Variants in RPS6KA3 observed in about 807,000 individuals in gnomAD.
RPS6KA3 encodes ribosomal protein S6 kinase alpha-3.
RPS6KA3 carries 4 observed loss-of-function variants against 67.2 expected under a neutral mutation model. That is an observed-to-expected ratio of 0.06 (90% CI 0.03 to 0.14). RPS6KA3 has a LOEUF of 0.14. Ranked by LOEUF, RPS6KA3 falls within the 10% of genes least tolerant of loss-of-function variation. RPS6KA3 has a pLI of 1.00. For missense variants in RPS6KA3, 204 were observed against 559.0 expected, an observed-to-expected ratio of 0.36 and a Z score of 6.40; for synonymous variants, 182 against 183.7, an observed-to-expected ratio of 0.99 and a Z score of 0.07.
intron 2 of RPS6KA3, among the ~76,000 whole-genome samples, chrX:20,231,266 A>G (rs977265595): frequency 8.9e-6 from 1 of 112,133 alleles, no homozygotes; most frequent in Non-Finnish European, 1.9e-5. Context: ...CCAAGAAACC[A>G]TAAAATTTTG....
At position 20,236,526 on chromosome X, in the gene RPS6KA3, T is replaced by C. The variant is rs1237823274; in HGVS notation, c.70-1712A>G. On this transcript the variant is annotated intron_variant, in intron 1 of 21. Coordinates refer to ENST00000379565, the MANE Select transcript of RPS6KA3 (RefSeq NM_004586.3). ...TCATCCCTATTTACCATCCATCCAT[T>C]CATTCATTTCATTCAAGCTATGTTC... Among the ~76,000 whole-genome samples the C allele has an allele frequency of 6.4e-5, 7 of 109,896 alleles. No individual in the cohort carries two copies. In the Admixed American group the frequency reaches 6.7e-4, roughly 11 times the overall value.
chrX:20,239,437 T>C (rs937465195), intron 1 of RPS6KA3, among the ~76,000 whole-genome samples: 4 of 111,826 alleles, frequency 3.6e-5, no homozygotes, highest in African/African-American at 1.3e-4. Flanking sequence ...TGCTATATTT[T>C]TATACAATGT....
intron 2 of RPS6KA3, among the ~76,000 whole-genome samples, chrX:20,228,831 T>C (rs769328295): frequency 1.8e-5 from 2 of 112,039 alleles, no homozygotes; most frequent in African/African-American, 6.5e-5. Flanking sequence ...AAGTTACAGA[T>C]ATCTTCTGAT....
chrX:20,263,846 C>T (rs2147090446), intron 1 of RPS6KA3, among the ~76,000 whole-genome samples: 1 of 111,365 alleles, frequency 9.0e-6, no homozygotes, highest in East Asian at 2.8e-4. Flanking sequence ...TGTCTGCTTT[C>T]AAGAATTCAC....
chrX:20,222,498 C>T (rs751452614), intron 2 of RPS6KA3, among the ~76,000 whole-genome samples: 2 of 111,567 alleles, frequency 1.8e-5, no homozygotes, highest in Non-Finnish European at 3.8e-5. Context: ...CTAATTTTAT[C>T]TCAAAAATAA....
At position 20,153,347 on chromosome X, in the gene RPS6KA3, T is replaced by C. The variant is rs190321307; in HGVS notation, c.*2051A>G. On this transcript the variant is annotated 3_prime_UTR_variant, in exon 22 of 22. Transcript: ENST00000379565. ...GATATCCCTCCTATATATTATTTCA[T>C]TTAGAAGCTAAACTTACATTTGATT... is the stretch of plus-strand genomic sequence containing the variant. 14 of 112,041 alleles carry C rather than the reference T, an allele frequency of 1.2e-4. No homozygotes were observed. The highest frequency in any genetic ancestry group is 4.5e-4 in the African/African-American group (14 of 30,888). The allele number at this position is 112,041 out of a possible 1,213,427, so 9.2% of individuals were successfully genotyped here.
chrX:20,196,802 C>T (rs1202495736), intron 4 of RPS6KA3, among the ~76,000 whole-genome samples: 4 of 111,714 alleles, frequency 3.6e-5, no homozygotes, highest in Non-Finnish European at 5.6e-5. Flanking sequence ...CATTACCTTG[C>T]CCGATCGCTA....
At chrX:20,241,844 C>T (rs1024238601) in intron 1 of RPS6KA3, among the ~76,000 whole-genome samples, 3 of 111,610 alleles carry the variant, frequency 2.7e-5, no homozygotes, top group Non-Finnish European at 5.7e-5. Flanking sequence ...GAATTTTATA[C>T]CTCATTCTAG....
chrX:20,261,236 G>C (rs183517490), intron 1 of RPS6KA3, among the ~76,000 whole-genome samples: 192 of 111,530 alleles, frequency 1.7e-3, no homozygotes, highest in South Asian at 7.9e-3. Context: ...ACAATGGATA[G>C]CAGAGTAGAG....
intron 1 of RPS6KA3, among the ~76,000 whole-genome samples, chrX:20,243,439 T>A (rs1293371149): frequency 8.9e-6 from 1 of 112,170 alleles, no homozygotes; most frequent in Non-Finnish European, 1.9e-5. Flanking sequence ...CTAAGGCTAA[T>A]AAGTAGAGCC....
chrX:20,263,065 A>G (rs1426692685), intron 1 of RPS6KA3, among the ~76,000 whole-genome samples: 1 of 112,024 alleles, frequency 8.9e-6, no homozygotes, highest in Non-Finnish European at 1.9e-5. Flanking sequence ...CGAGGTAGCT[A>G]TTTTCATACA....
At chrX:20,201,651 A>G (rs1406325413) in intron 4 of RPS6KA3, among the ~76,000 whole-genome samples, 2 of 111,097 alleles carry the variant, frequency 1.8e-5, no homozygotes, top group Non-Finnish European at 3.8e-5. Flanking sequence ...CCATTAATTA[A>G]CTTATGAATT....
chrX:20,204,861 T>C (rs999000920), intron 3 of RPS6KA3, among the ~76,000 whole-genome samples: 3 of 111,007 alleles, frequency 2.7e-5, no homozygotes, highest in African/African-American at 9.9e-5. Flanking sequence ...GATCGTACCA[T>C]TGCACTCCAG....
At chrX:20,157,431 A>G (rs1457942716) in intron 20 of RPS6KA3, among the ~76,000 whole-genome samples, 3 of 104,589 alleles carry the variant, frequency 2.9e-5, no homozygotes, top group African/African-American at 1.1e-4. Context: ...GAGCCCAGGA[A>G]GTCAAGGCTG....
At chrX:20,176,936 C>T in intron 11 of RPS6KA3, 60 bp downstream of exon 11, 1 of 840,683 alleles carries the variant, frequency 1.2e-6, no homozygotes, top group Non-Finnish European at 1.8e-6. Flanking sequence ...AATATCTACT[C>T]CCCGCTAAAA....
chrX:20,194,534 TA>T (rs962321660), intron 5 of RPS6KA3, among the ~76,000 whole-genome samples: 7 of 108,259 alleles, frequency 6.5e-5, no homozygotes, highest in Non-Finnish European at 7.7e-5. Context: ...GAAAACCTCC[TA>T]AAAAAAAAGA....
At chrX:20,189,411 G>A (rs1413064086) in intron 7 of RPS6KA3, among the ~76,000 whole-genome samples, 1 of 111,966 alleles carries the variant, frequency 8.9e-6, no homozygotes, top group Non-Finnish European at 1.9e-5. Context: ...GACCATAAAT[G>A]GTGTACATTC....
At chrX:20,211,385 T>A (rs989751899) in intron 2 of RPS6KA3, among the ~76,000 whole-genome samples, 1 of 111,049 alleles carries the variant, frequency 9.0e-6, no homozygotes, top group Non-Finnish European at 1.9e-5. Flanking sequence ...ATTCTAGGTC[T>A]CCTGACTTTG....
chrX:20,185,549 G>A lies in RPS6KA3; in HGVS notation c.845+747C>T, dbSNP rs187980288. On this transcript the variant is annotated intron_variant, in intron 10 of 21. Transcript: ENST00000379565. ...CTACAGGTGCTTACCAACATGCCTG[G>A]CTAATTTTTGCATTTTTTTGTAGAG... Among the ~76,000 whole-genome samples the A allele has an allele frequency of 1.4e-4, 15 of 110,915 alleles. No homozygotes were observed. In the East Asian group the frequency reaches 4.0e-3, roughly 29 times the overall value.
Sources: allele counts gnomAD v4.1 joint callset (sites outside exome capture counted in the v4.1 genomes callset), GRCh38; gene constraint gnomAD v4.1.1; transcripts MANE v1.5; gene names NCBI Gene and HGNC (gene_info 2026-07-23, HGNC 2026-07-21).